Variants in SEL1L2 observed in about 807,000 individuals in gnomAD.
SEL1L2 encodes SEL1L2 adaptor subunit of SYVN1 ubiquitin ligase, also known as protein sel-1 homolog 2.
In SEL1L2, 89 loss-of-function variants were observed where a neutral mutation model predicts 98.8. The ratio of observed to expected loss-of-function variants is 0.90; its 90% CI spans 0.76 to 1.07. The LOEUF (loss-of-function observed/expected upper bound fraction) is 1.07. SEL1L2 is among the 50% of genes least tolerant of loss of function. SEL1L2 has a pLI of 0.00. For missense variants in SEL1L2, 788 were observed against 812.0 expected (o/e 0.97, Z 0.36); for synonymous variants, 262 against 278.5 (o/e 0.94, Z 0.59).
At chr20:13,960,967 C>T (rs1389228377) in intron 1 of SEL1L2, among the ~76,000 whole-genome samples, 2 of 152,108 alleles carry the variant, frequency 1.3e-5, no homozygotes, top group African/African-American at 4.8e-5. Flanking sequence ...TAGAGTTAGC[C>T]TTGGAAGGGG....
At chr20:13,985,519 G>C (rs761830681) in intron 1 of SEL1L2, among the ~76,000 whole-genome samples, 4 of 152,118 alleles carry the variant, frequency 2.6e-5, no homozygotes, top group Non-Finnish European at 5.9e-5. Context: ...GTGCCCTACA[G>C]TACCCTGTAA....
intron 5 of SEL1L2, among the ~76,000 whole-genome samples, chr20:13,888,754 T>C (rs2047072805): frequency 6.9e-6 from 1 of 144,404 alleles, no homozygotes; most frequent in South Asian, 2.4e-4. Flanking sequence ...TTCTCCTGCC[T>C]CAGTCTCTCG....
At chr20:13,994,752 G>A (rs2052602256), upstream of SEL1L2, among the ~76,000 whole-genome samples, 1 of 152,160 alleles carries the variant, frequency 6.6e-6, no homozygotes, top group African/African-American at 2.4e-5. Context: ...AAGACCACTC[G>A]GCTCTGGTTA....
intron 6 of SEL1L2, 58 bp from the exon 7 acceptor site, chr20:13,888,059 G>T: frequency 6.9e-7 from 1 of 1,445,060 alleles, no homozygotes; most frequent in East Asian, 2.3e-5. Context: ...ATTTAAATTT[G>T]AAACTCAAAC....
intron 18 of SEL1L2, among the ~76,000 whole-genome samples, chr20:13,856,486 T>A (rs139262213): frequency 9.9e-5 from 15 of 152,262 alleles, no homozygotes; most frequent in Non-Finnish European, 2.1e-4. Context: ...TCTGAACTAC[T>A]TCAGGTCCTC....
chr20:13,965,916 A>G (rs2051019011), intron 1 of SEL1L2, among the ~76,000 whole-genome samples: 1 of 148,886 alleles, frequency 6.7e-6, no homozygotes, highest in Non-Finnish European at 1.5e-5. Flanking sequence ...TTGCACCACC[A>G]CTGCACTCCA....
rs764529151 is a variant in SEL1L2, at chr20:13,869,521, A to G, written c.1237T>C (p.Leu413=). 1 of 1,614,046 alleles carries G rather than the reference A, an allele frequency of 6.2e-7. No individual in the cohort carries two copies. Among genetic ancestry groups the G allele is most frequent in the Admixed American group, 1.7e-5 (1 of 60,022 alleles). Residue 413 remains leucine (L), a synonymous_variant, in exon 14 of 20, where the codon TTA becomes CTA. Coordinates refer to ENST00000284951, the MANE Select transcript of SEL1L2 (RefSeq NM_025229.2). The part of the protein sequence containing the change: ...EKGWPDAQFQ[L]GFMYYSGSGI... ...CACTTACAGTAGTACATGAAGCCTAACTGGAACTGTGCGTCGGGCCACCCT... is the reference window on the plus strand; with the variant it reads ...CACTTACAGTAGTACATGAAGCCTAGCTGGAACTGTGCGTCGGGCCACCCT...
intron 18 of SEL1L2, among the ~76,000 whole-genome samples, chr20:13,853,452 A>G (rs192260403): frequency 4.4e-4 from 67 of 152,088 alleles, no homozygotes; most frequent in African/African-American, 1.5e-3. Flanking sequence ...GGACTCAAGT[A>G]ATCTGCCCAC....
intron 2 of SEL1L2, among the ~76,000 whole-genome samples, chr20:13,933,762 T>C (rs765570721): frequency 1.3e-5 from 2 of 152,240 alleles, no homozygotes; most frequent in African/African-American, 2.4e-5. Flanking sequence ...CCTGGAAGAC[T>C]ATGTGGAGAA....
intron 18 of SEL1L2, among the ~76,000 whole-genome samples, chr20:13,852,341 TG>T (rs1411456502): frequency 2.0e-5 from 3 of 152,160 alleles, no homozygotes; most frequent in Non-Finnish European, 4.4e-5. Flanking sequence ...TTGCAGTGTG[TG>T]TGGGGCTGGG....
chr20:13,916,651 C>T (rs967068281), intron 4 of SEL1L2, among the ~76,000 whole-genome samples: 1 of 152,074 alleles, frequency 6.6e-6, no homozygotes, highest in Non-Finnish European at 1.5e-5. Context: ...ACTAAAAATA[C>T]AAAAATTAGC....
intron 5 of SEL1L2, among the ~76,000 whole-genome samples, chr20:13,911,253 C>T (rs1193668634): frequency 6.6e-6 from 1 of 152,190 alleles, no homozygotes; most frequent in Non-Finnish European, 1.5e-5. Context: ...CTTTCTCTCC[C>T]CATTACTACA....
At chr20:13,964,482 C>T (rs1479012204) in intron 1 of SEL1L2, among the ~76,000 whole-genome samples, 2 of 114,172 alleles carry the variant, frequency 1.8e-5, no homozygotes, top group Admixed American at 1.2e-4. Flanking sequence ...GACAGAGTTT[C>T]GCTCTTGTTG....
At chr20:13,868,516 G>A (rs1027342394) in intron 14 of SEL1L2, among the ~76,000 whole-genome samples, 22 of 151,838 alleles carry the variant, frequency 1.4e-4, no homozygotes, top group East Asian at 1.4e-3. Context: ...CGTTCATGCC[G>A]TTGGCATGCG....
intron 8 of SEL1L2, 121 bp downstream of exon 8, chr20:13,887,648 C>T: frequency 1.5e-6 from 1 of 657,530 alleles, no homozygotes; most frequent in Non-Finnish European, 2.6e-6. Context: ...TGTATTATAA[C>T]ATATTAAAAA....
chr20:13,959,716 T>C (rs927049639), intron 1 of SEL1L2, among the ~76,000 whole-genome samples: 3 of 152,202 alleles, frequency 2.0e-5, no homozygotes, highest in African/African-American at 7.2e-5. Context: ...TGTCGAATCC[T>C]GAAGCATGGA....
intron 2 of SEL1L2, among the ~76,000 whole-genome samples, chr20:13,938,035 A>G (rs971332254): frequency 6.6e-6 from 1 of 151,998 alleles, no homozygotes; most frequent in African/African-American, 2.4e-5. Context: ...AAACCCACAA[A>G]CAAAAACAGT....
chr20:13,917,745 G>A (rs986074909), intron 4 of SEL1L2, among the ~76,000 whole-genome samples: 58 of 138,098 alleles, frequency 4.2e-4, no homozygotes, highest in Non-Finnish European at 6.9e-4. Flanking sequence ...ATGTCTCCTT[G>A]TTGGGGGCTC....
At chr20:13,881,636 C>A (rs1242579399) in intron 10 of SEL1L2, among the ~76,000 whole-genome samples, 1 of 152,144 alleles carries the variant, frequency 6.6e-6, no homozygotes, top group South Asian at 2.1e-4. Context: ...AGAATTTGGT[C>A]AGGGAGAGGG....
Sources: gnomAD v4.1 joint callset for allele counts (sites outside exome capture counted in the v4.1 genomes callset) on GRCh38, gnomAD v4.1.1 for gene constraint, MANE v1.5 for transcripts, NCBI Gene and HGNC (gene_info 2026-07-23, HGNC 2026-07-21) for gene names.